TMEM52B: variants seen among roughly 807,000 people sequenced by gnomAD.
TMEM52B encodes the protein chromosome 12 open reading frame 59.
Under a neutral mutation model 16.1 loss-of-function variants are expected in TMEM52B, and 11 were observed. That is an observed-to-expected ratio of 0.68 (90% CI 0.43 to 1.13). The LOEUF (loss-of-function observed/expected upper bound fraction) is 1.13. Ranked by LOEUF, TMEM52B falls within the 50% of genes most tolerant of loss-of-function variation. The pLI, the probability that TMEM52B is intolerant of heterozygous loss-of-function variation, is 0.00. For missense variants in TMEM52B, 243 were observed against 230.4 expected, an observed-to-expected ratio of 1.05 and a Z score of -0.35; for synonymous variants, 101 against 93.8, an observed-to-expected ratio of 1.08 and a Z score of -0.45.
Position 10,190,172 on chromosome 12 carries a change from G to A in TMEM52B, c.*32G>A, listed in dbSNP as rs777648249. On this transcript the variant is annotated 3_prime_UTR_variant, in exon 5 of 5. Transcript: ENST00000543484. ...CTGTCATTTTATAAATAGGAGTGGAGTGATGTCCAGAGTCTGTGGGAAAAT... is the reference window on the plus strand; with the variant it reads ...CTGTCATTTTATAAATAGGAGTGGAATGATGTCCAGAGTCTGTGGGAAAAT... 3 of 1,612,542 alleles carry A rather than the reference G, an allele frequency of 1.9e-6. No individual in the cohort carries two copies. In the African/African-American group the frequency reaches 4.0e-5, roughly 22 times the overall value.
chr12:10,176,769 A>G (rs765346574), upstream of TMEM52B, among the ~76,000 whole-genome samples: 6 of 152,218 alleles, frequency 3.9e-5, no homozygotes, highest in Non-Finnish European at 8.8e-5. Flanking sequence ...GCTATCAAGT[A>G]AATATTACTA....
chr12:10,181,465 G>C (rs1948821521), intron 1 of TMEM52B, among the ~76,000 whole-genome samples: 1 of 151,654 alleles, frequency 6.6e-6, no homozygotes. Context: ...GAGTAGCTGG[G>C]ATTACAGGCG....
At chr12:10,188,767 C>T (rs1279224567) in intron 4 of TMEM52B, among the ~76,000 whole-genome samples, 8 of 151,764 alleles carry the variant, frequency 5.3e-5, no homozygotes, top group Non-Finnish European at 1.5e-5. Flanking sequence ...ACCTGTAATC[C>T]CAGCACTTTG....
At chr12:10,173,281 G>T (rs183019759) in intron 1 of TMEM52B, among the ~76,000 whole-genome samples, 420 of 151,458 alleles carry the variant, frequency 2.8e-3, no homozygotes, top group Non-Finnish European at 4.6e-3. Context: ...TATGATATCT[G>T]GCATTTACTT....
At chr12:10,188,391 G>A (rs1193349802) in intron 4 of TMEM52B, among the ~76,000 whole-genome samples, 10 of 150,458 alleles carry the variant, frequency 6.6e-5, no homozygotes, top group African/African-American at 2.2e-4. Context: ...CCCAGGAGGC[G>A]GAGGTTTCAG....
chr12:10,170,783 A>C (rs1047481457), exon 1 of TMEM52B: 1 of 152,108 alleles, frequency 6.6e-6, no homozygotes, highest in Non-Finnish European at 1.5e-5. Flanking sequence ...GCCTGGCCTC[A>C]TCACTCTTAA....
rs1948952895 is a variant in TMEM52B, at chr12:10,191,086, T to G, written c.*946T>G. 3 of 152,236 alleles carry G rather than the reference T, an allele frequency of 2.0e-5. No homozygotes were observed. The highest frequency in any genetic ancestry group is 7.2e-5 in the African/African-American group (3 of 41,440). The allele number at this position is 152,236 out of a possible 1,614,324, so 9.4% of individuals were successfully genotyped here. A position where few individuals can be genotyped will look rare whatever the true frequency, so the allele number is the denominator to read the frequency against. Reference sequence around the variant, plus strand: ...GCTGAACTAAGCCTGGTTGAGATGCTTCCCATGGACCATGCCGCAGCACAG... The same window carrying G: ...GCTGAACTAAGCCTGGTTGAGATGCGTCCCATGGACCATGCCGCAGCACAG... On this transcript the variant is annotated 3_prime_UTR_variant, in exon 5 of 5. Coordinates refer to ENST00000543484, the MANE Select transcript of TMEM52B (RefSeq NM_001384896.1).
At chr12:10,188,789 C>A (rs1948916197) in intron 4 of TMEM52B, among the ~76,000 whole-genome samples, 1 of 151,698 alleles carries the variant, frequency 6.6e-6, no homozygotes, top group Non-Finnish European at 1.5e-5. Context: ...GAGGCCGAAG[C>A]GGGTGGATCA....
intron 1 of TMEM52B, among the ~76,000 whole-genome samples, chr12:10,173,143 A>G (rs1034148736): frequency 5.3e-5 from 8 of 152,220 alleles, no homozygotes; most frequent in Non-Finnish European, 7.3e-5. Context: ...CGCTTACATG[A>G]GAGACCCATA....
upstream of TMEM52B, among the ~76,000 whole-genome samples, chr12:10,175,745 T>C (rs1040327607): frequency 6.6e-6 from 1 of 152,230 alleles, no homozygotes; most frequent in African/African-American, 2.4e-5. Flanking sequence ...TTCTGCTATA[T>C]TATTTATTTT....
At chr12:10,187,569 T>C (rs1010697098) in intron 4 of TMEM52B, among the ~76,000 whole-genome samples, 1 of 151,858 alleles carries the variant, frequency 6.6e-6, no homozygotes, top group Non-Finnish European at 1.5e-5. Flanking sequence ...CACACCAGGC[T>C]ATATTTTTTT....
chr12:10,173,261 A>G (rs1316888740), intron 1 of TMEM52B, among the ~76,000 whole-genome samples: 1 of 152,218 alleles, frequency 6.6e-6, no homozygotes, highest in African/African-American at 2.4e-5. Flanking sequence ...AGTATTTATA[A>G]GCAAAATGAT....
chr12:10,185,098 A>G (rs1254576592), intron 2 of TMEM52B, among the ~76,000 whole-genome samples: 1 of 152,228 alleles, frequency 6.6e-6, no homozygotes, highest in Non-Finnish European at 1.5e-5. Flanking sequence ...AGTTTGTTTT[A>G]TAATGATTTA....
intron 2 of TMEM52B, among the ~76,000 whole-genome samples, chr12:10,183,787 G>A (rs941376924): frequency 6.6e-6 from 1 of 152,072 alleles, no homozygotes; most frequent in African/African-American, 2.4e-5. Context: ...CAGTGGATAT[G>A]CAAATTAGTT....
intron 3 of TMEM52B, 131 bp from the exon 4 acceptor site, chr12:10,186,289 T>C: frequency 1.7e-6 from 1 of 595,020 alleles, no homozygotes; most frequent in Non-Finnish European, 2.4e-6. Flanking sequence ...AAATTATAAA[T>C]TAAAATATTT....
chr12:10,184,148 T>C (rs1432895956), intron 2 of TMEM52B, among the ~76,000 whole-genome samples: 2 of 151,940 alleles, frequency 1.3e-5, no homozygotes, highest in Admixed American at 6.6e-5. Flanking sequence ...ATTTGAAGAG[T>C]TTCTGTAAAG....
At chr12:10,177,031 A>G (rs1030414222), upstream of TMEM52B, among the ~76,000 whole-genome samples, 1 of 152,080 alleles carries the variant, frequency 6.6e-6, no homozygotes, top group Admixed American at 6.5e-5. Flanking sequence ...CTCTTATTTT[A>G]TTTTCTCTAG....
chr12:10,178,351 C>T (rs956814062), upstream of TMEM52B, among the ~76,000 whole-genome samples: 3 of 151,906 alleles, frequency 2.0e-5, no homozygotes, highest in South Asian at 6.2e-4. Flanking sequence ...CCCGTCTCGT[C>T]TCTACTAAAA....
chr12:10,188,393 AGG>A (rs1247729161), intron 4 of TMEM52B, among the ~76,000 whole-genome samples: 2 of 151,528 alleles, frequency 1.3e-5, no homozygotes, highest in Non-Finnish European at 2.9e-5. Context: ...CAGGAGGCGG[AGG>A]TTTCAGTGAG....
Sources: allele counts gnomAD v4.1 joint callset (sites outside exome capture counted in the v4.1 genomes callset), GRCh38; gene constraint gnomAD v4.1.1; transcripts MANE v1.5; gene names NCBI Gene and HGNC (gene_info 2026-07-23, HGNC 2026-07-21).